SLC6A17: variants seen among roughly 807,000 people sequenced by gnomAD.
SLC6A17 encodes solute carrier family 6 member 17.
Under a neutral mutation model 64.5 loss-of-function variants are expected in SLC6A17, and 21 were observed. The ratio of observed to expected loss-of-function variants is 0.33; its 90% CI spans 0.23 to 0.47. The LOEUF (loss-of-function observed/expected upper bound fraction) is 0.47, where lower values mean the gene tolerates loss of function less well. SLC6A17 is among the 20% of genes least tolerant of loss of function. The pLI, the probability that SLC6A17 is intolerant of heterozygous loss-of-function variation, is 1.00. For missense variants in SLC6A17, 682 were observed against 963.2 expected (o/e 0.71, Z 3.86); for synonymous variants, 372 against 399.5 (o/e 0.93, Z 0.82).
Position 110,174,069 on chromosome 1 carries a change from T to C in SLC6A17, c.541T>C (p.Cys181Arg), listed in dbSNP as rs1656310359. ...SFQYPLPWSE[C>R]PVVRNGSVAV... The stretch of plus-strand genomic sequence containing the variant: ...CCAGTACCCGCTGCCCTGGAGTGAA[T>C]GTCCTGTCGTCAGGAATGGGAGCGT... The change falls in exon 4 of 12, where the codon TGT (cysteine) becomes CGT (arginine). Residue 181 changes from cysteine (C) to arginine (R), a missense_variant. Around this residue, in one of 3 missense-constraint regions of SLC6A17, gnomAD observed 415 missense variants for 603.8 expected, o/e 0.69. Transcript: ENST00000331565. 6.2e-7 allele frequency: 1 copy of C among 1,614,156 alleles called. No homozygotes were observed. Among genetic ancestry groups the C allele is most frequent in the Non-Finnish European group, 8.5e-7 (1 of 1,180,008 alleles).
At chr1:110,155,073 G>T (rs546240813) in intron 1 of SLC6A17, among the ~76,000 whole-genome samples, 2 of 152,234 alleles carry the variant, frequency 1.3e-5, no homozygotes, top group South Asian at 4.2e-4. Context: ...CCCAGAACAG[G>T]CCCATGCTGT....
At chr1:110,183,529 A>G (rs563198138) in intron 6 of SLC6A17, among the ~76,000 whole-genome samples, 1 of 152,320 alleles carries the variant, frequency 6.6e-6, no homozygotes, top group East Asian at 1.9e-4. Flanking sequence ...GGGGTGATGA[A>G]GAGGTTTTAA....
chr1:110,164,821 AT>A (rs1405098739), intron 1 of SLC6A17, among the ~76,000 whole-genome samples: 1 of 152,152 alleles, frequency 6.6e-6, no homozygotes, highest in African/African-American at 2.4e-5. Flanking sequence ...TCACTAGGCT[AT>A]TTATGGAGAA....
chr1:110,162,551 A>G (rs1475530024), intron 1 of SLC6A17, among the ~76,000 whole-genome samples: 2 of 152,158 alleles, frequency 1.3e-5, no homozygotes, highest in African/African-American at 4.8e-5. Flanking sequence ...CATGAGATAC[A>G]TGGGTACGGG....
At chr1:110,163,942 C>G (rs1431837074) in intron 1 of SLC6A17, among the ~76,000 whole-genome samples, 1 of 152,134 alleles carries the variant, frequency 6.6e-6, no homozygotes, top group Non-Finnish European at 1.5e-5. Flanking sequence ...AAAGAGCCAC[C>G]TGCCAGCTTG....
At chr1:110,197,369 G>A in intron 10 of SLC6A17, 68 bp from the exon 11 acceptor site, 1 of 1,541,814 alleles carries the variant, frequency 6.5e-7, no homozygotes, top group Non-Finnish European at 8.8e-7. Context: ...TGGAGGAGAT[G>A]GTGATGGGGG....
intron 6 of SLC6A17, among the ~76,000 whole-genome samples, 168 bp from the exon 7 acceptor site, chr1:110,191,804 A>C (rs1335594137): frequency 6.6e-6 from 1 of 152,160 alleles, no homozygotes; most frequent in Non-Finnish European, 1.5e-5. Context: ...CGTATTGGGG[A>C]AACTGAGGCT....
At chr1:110,184,446 C>T (rs1656625103) in intron 6 of SLC6A17, among the ~76,000 whole-genome samples, 1 of 152,232 alleles carries the variant, frequency 6.6e-6, no homozygotes, top group Admixed American at 6.5e-5. Context: ...TATTCTGTAG[C>T]AGGCACTTTT....
At position 110,165,386 on chromosome 1, in the gene SLC6A17, T is replaced by C. The variant is rs78196204; in HGVS notation, c.-87-1457T>C. On this transcript the variant is annotated intron_variant, in intron 1 of 11. Transcript: ENST00000331565. ...GTGAGTCCCAGCAGAGAGCTTCTTATAGGGAATTCTGTGGTCCTCTAACCA... is the reference window on the plus strand; with the variant it reads ...GTGAGTCCCAGCAGAGAGCTTCTTACAGGGAATTCTGTGGTCCTCTAACCA... Among the ~76,000 whole-genome samples, 971 of 152,288 alleles carry C rather than the reference T, an allele frequency of 6.4e-3. 4 individuals carry two copies. Among genetic ancestry groups the C allele is most frequent in the Non-Finnish European group, 0.011 (740 of 68,004 alleles).
intron 6 of SLC6A17, among the ~76,000 whole-genome samples, chr1:110,191,202 T>A (rs1253734457): frequency 6.6e-6 from 1 of 152,054 alleles, no homozygotes; most frequent in Non-Finnish European, 1.5e-5. Flanking sequence ...AAGATGGGAG[T>A]CAGGATTTGG....
intron 6 of SLC6A17, among the ~76,000 whole-genome samples, chr1:110,180,628 G>A (rs922899123): frequency 5.3e-5 from 8 of 152,164 alleles, no homozygotes; most frequent in African/African-American, 1.9e-4. Context: ...GCAAACTACT[G>A]TTGCAGAGCT....
chr1:110,193,949 G>A (rs966367071), intron 8 of SLC6A17, among the ~76,000 whole-genome samples: 1 of 152,202 alleles, frequency 6.6e-6, no homozygotes, highest in African/African-American at 2.4e-5. Flanking sequence ...AAGTGACAGG[G>A]GGCAGTGTGT....
At chr1:110,162,668 T>C (rs1189802902) in intron 1 of SLC6A17, among the ~76,000 whole-genome samples, 1 of 152,212 alleles carries the variant, frequency 6.6e-6, no homozygotes, top group Non-Finnish European at 1.5e-5. Flanking sequence ...AGGCCCTGCC[T>C]GCTCTAAAAG....
chr1:110,198,381 T>C lies in SLC6A17; in HGVS notation c.2121T>C (p.Gly707=), dbSNP rs1419191658. ...GCACATCACCCCTGGAGACCAGCGGTAACCCCAATGGACGCTATGGGAGCG... is the reference window on the plus strand; with the variant it reads ...GCACATCACCCCTGGAGACCAGCGGCAACCCCAATGGACGCTATGGGAGCG... ...PGSTSPLETS[G]NPNGRYGSGY... Residue 707 remains glycine (G), a synonymous_variant, in exon 12 of 12, where the codon GGT becomes GGC. Coordinates refer to ENST00000331565, the MANE Select transcript of SLC6A17 (RefSeq NM_001010898.4). 6.2e-7 allele frequency: 1 copy of C among 1,613,990 alleles called. No homozygotes were observed.
In SLC6A17 at chr1:110,167,099, C is replaced by CAG; in HGVS notation, c.173_174dup (p.Asp59ArgfsTer49). 1 of 1,612,396 alleles carries CAG rather than the reference C, an allele frequency of 6.2e-7. No individual in the cohort carries two copies. The highest frequency in any genetic ancestry group is 8.5e-7 in the Non-Finnish European group (1 of 1,179,512). On this transcript the variant is annotated frameshift_variant, in exon 2 of 12. Coordinates refer to ENST00000331565, the MANE Select transcript of SLC6A17 (RefSeq NM_001010898.4). LOFTEE classifies it high-confidence loss of function. The stretch of plus-strand genomic sequence containing the variant: ...AAGGCGGTGGAGGAGGAGCTGGATG[C>CAG]AGAGGACCGGCCGGCCTGGAACAGT...
intron 2 of SLC6A17, 45 bp downstream of exon 2, chr1:110,167,260 C>T (rs375866689): frequency 5.3e-5 from 84 of 1,574,696 alleles, no homozygotes; most frequent in Non-Finnish European, 6.9e-5. Context: ...TGCAAATAGG[C>T]CGGGGATGAG....
At chr1:110,156,170 G>A (rs770020518) in intron 1 of SLC6A17, among the ~76,000 whole-genome samples, 2 of 152,240 alleles carry the variant, frequency 1.3e-5, no homozygotes, top group Non-Finnish European at 2.9e-5. Context: ...ACAGCTGAAA[G>A]GAATCTCCTT....
At chr1:110,191,164 C>A (rs1168565445) in intron 6 of SLC6A17, among the ~76,000 whole-genome samples, 1 of 152,158 alleles carries the variant, frequency 6.6e-6, no homozygotes, top group Non-Finnish European at 1.5e-5. Flanking sequence ...CAGTCAGTGC[C>A]ACTTACCAAA....
chr1:110,171,934 GGGAC>G, intron 2 of SLC6A17, 122 bp from the exon 3 acceptor site: 1 of 1,257,634 alleles, frequency 8.0e-7, no homozygotes, highest in Non-Finnish European at 1.1e-6. Context: ...GAGGAGCACC[GGGAC>G]TGGTGACAAT....
Sources: gnomAD v4.1 joint callset for allele counts (sites outside exome capture counted in the v4.1 genomes callset) on GRCh38, gnomAD v4.1.1 for gene constraint, gnomAD v4.1.1 regional missense constraint, MANE v1.5 for transcripts, NCBI Gene and HGNC (gene_info 2026-07-23, HGNC 2026-07-21) for gene names.